CACNA1A: variants seen among roughly 807,000 people sequenced by gnomAD.
CACNA1A encodes voltage-dependent P/Q-type calcium channel subunit alpha-1A.
A neutral mutation model predicts 262.4 loss-of-function variants in CACNA1A; 57 were observed. The observed-to-expected ratio is 0.22, with a 90% confidence interval of 0.18 to 0.27. CACNA1A has a LOEUF of 0.27. CACNA1A is among the 10% of genes least tolerant of loss of function. The pLI, the probability that CACNA1A is intolerant of heterozygous loss-of-function variation, is 1.00. For missense variants in CACNA1A, 2,526 were observed against 3,562.8 expected (o/e 0.71, Z 7.41); for synonymous variants, 1,431 against 1,419.3 (o/e 1.01, Z -0.18).
intron 6 of CACNA1A, among the ~76,000 whole-genome samples, chr19:13,341,914 C>T (rs1175600446): frequency 1.3e-5 from 2 of 152,150 alleles, no homozygotes; most frequent in Non-Finnish European, 2.9e-5. Context: ...CCTAGGACAA[C>T]ATCTGGCACA....
intron 35 of CACNA1A, 111 bp downstream of exon 35, chr19:13,231,599 C>G (rs1453974933): frequency 4.4e-6 from 5 of 1,127,508 alleles, no homozygotes; most frequent in Non-Finnish European, 6.4e-6. Flanking sequence ...TTCAGAGAAG[C>G]CTTGGAGGGA....
At chr19:13,346,637 TATATATATATATATA>T (rs2058773651) in intron 6 of CACNA1A, among the ~76,000 whole-genome samples, 1 of 5,346 alleles carries the variant, frequency 1.9e-4, no homozygotes, top group Non-Finnish European at 4.6e-4. Context: ...TATATATATA[TATATATATATATATA>T]TATATATATA....
intron 1 of CACNA1A, among the ~76,000 whole-genome samples, chr19:13,467,320 T>A (rs548526659): frequency 4.6e-5 from 7 of 151,902 alleles, no homozygotes; most frequent in Non-Finnish European, 8.8e-5. Flanking sequence ...AACCTTTTTT[T>A]AAAAAAAGGG....
intron 1 of CACNA1A, among the ~76,000 whole-genome samples, chr19:13,465,135 T>C (rs2061210638): frequency 6.6e-6 from 1 of 151,648 alleles, no homozygotes; most frequent in Admixed American, 6.6e-5. Context: ...TTCACCATGT[T>C]GGCCAGGCTA....
chr19:13,374,299 G>A (rs986321219), intron 3 of CACNA1A, among the ~76,000 whole-genome samples: 2 of 152,172 alleles, frequency 1.3e-5, no homozygotes, highest in Non-Finnish European at 2.9e-5. Context: ...CCAGGCTTGA[G>A]TATAGTGGTG....
At position 13,255,107 on chromosome 19, in the gene CACNA1A, C is replaced by G; in HGVS notation, c.4743G>C (p.Val1581=). The change falls in exon 29 of 47, where the codon GTG becomes GTC. Residue 1581 remains valine (V), a synonymous_variant. Coordinates refer to ENST00000360228, the MANE Select transcript of CACNA1A (RefSeq NM_001127222.2). The stretch of plus-strand genomic sequence containing the variant: ...GTGGGGCACTTACCTTCATCATAAG[C>G]ACGATGGTGTTGAGGGCGATCATGG... ...IMAMIALNTI[V]LMMKFYGASV... 6.2e-7 allele frequency: 1 copy of G among 1,613,804 alleles called. No individual in the cohort carries two copies. Among genetic ancestry groups the G allele is most frequent in the Non-Finnish European group, 8.5e-7 (1 of 1,179,818 alleles).
At chr19:13,370,403 C>A (rs1054400559) in intron 4 of CACNA1A, among the ~76,000 whole-genome samples, 1 of 151,852 alleles carries the variant, frequency 6.6e-6, no homozygotes, top group East Asian at 1.9e-4. Context: ...CTGCACCCAG[C>A]CTATAAATTG....
rs58261828 is a variant in CACNA1A at position 13,418,373 on chromosome 19, C to T, written c.539+34503G>A. Among the ~76,000 whole-genome samples, 703 of 152,182 alleles carry T rather than the reference C, an allele frequency of 4.6e-3. 10 individuals are homozygous for T. The highest frequency in any genetic ancestry group is 0.016 in the African/African-American group (653 of 41,500). On this transcript the variant is annotated intron_variant, in intron 3 of 46. Coordinates refer to ENST00000360228, the MANE Select transcript of CACNA1A (RefSeq NM_001127222.2). ...CAGATGTCAGAACCTGAATTCAAAG[C>T]GCATTCTGGCTGTAGTGGGTTGAAC...
At chr19:13,394,023 T>C (rs1397216684) in intron 3 of CACNA1A, among the ~76,000 whole-genome samples, 1 of 152,160 alleles carries the variant, frequency 6.6e-6, no homozygotes, top group East Asian at 1.9e-4. Flanking sequence ...TCTACTTGTA[T>C]GATACATGTG....
chr19:13,365,186 C>T (rs2059185602), intron 5 of CACNA1A, 131 bp downstream of exon 5: 12 of 755,146 alleles, frequency 1.6e-5, no homozygotes, highest in Non-Finnish European at 2.7e-5. Context: ...CACTGCCTCT[C>T]CTGTAGTGCT....
intron 10 of CACNA1A, among the ~76,000 whole-genome samples, chr19:13,329,136 C>T (rs1490370415): frequency 1.3e-5 from 2 of 152,200 alleles, no homozygotes; most frequent in Non-Finnish European, 2.9e-5. Context: ...AACATCATCA[C>T]AGCCAATGAA....
Position 13,285,038 on chromosome 19 carries a change from C to T in CACNA1A, c.3692+30G>A, listed in dbSNP as rs777509847. 6.8e-6 allele frequency: 11 copies of T among 1,613,222 alleles called. No individual in the cohort carries two copies. The East Asian group carries it at 2.0e-4, about 29-fold the overall frequency. Reference sequence around the variant, plus strand: ...GCCACCCTGGTGGGAGCCCCAGGCCCCCCCTGCCCTTGCTGGGGGCCATAC... The same window carrying T: ...GCCACCCTGGTGGGAGCCCCAGGCCTCCCCTGCCCTTGCTGGGGGCCATAC... On this transcript the variant is annotated intron_variant, in intron 21 of 46. Coordinates refer to ENST00000360228, the MANE Select transcript of CACNA1A (RefSeq NM_001127222.2).
chr19:13,298,728 G>A lies in CACNA1A; in HGVS notation c.2905C>T (p.Pro969Ser). Residue 969 changes from proline (P) to serine (S), a missense_variant, in exon 19 of 47, where the codon CCG becomes TCG. Transcript: ENST00000360228. ...GCCCTCCGCTCCGCCTTGTCCTCCG[G>A]ACCCTCCTCCCCGGGCCTGCGGTGC... ...RAHRRPGEEG[P>S]EDKAERRARH... 6.7e-7 allele frequency: 1 copy of A among 1,499,198 alleles called. No individual in the cohort carries two copies. Among genetic ancestry groups the A allele is most frequent in the Non-Finnish European group, 8.9e-7 (1 of 1,129,230 alleles). 92.9% of individuals were successfully genotyped at this position (1,499,198 alleles called of 1,614,324 possible). A position where few individuals can be genotyped will look rare whatever the true frequency, so the allele number is the denominator to read the frequency against.
At chr19:13,463,565 C>A (rs531225596) in intron 1 of CACNA1A, among the ~76,000 whole-genome samples, 1 of 152,280 alleles carries the variant, frequency 6.6e-6, no homozygotes, top group East Asian at 1.9e-4. Context: ...GGATGGGAAT[C>A]CCCGGGGAGA....
intron 24 of CACNA1A, chr19:13,273,418 T>C (rs1462731173): frequency 1.3e-5 from 2 of 152,212 alleles, no homozygotes; most frequent in Non-Finnish European, 2.9e-5. Context: ...AGGGTTGATT[T>C]ACCTCCATTT....
Position 13,241,459 on chromosome 19 carries a change from G to T in CACNA1A, c.4950+3723C>A, listed in dbSNP as rs374654996. The T allele has an allele frequency of 4.9e-6, 6 of 1,236,400 alleles. No individual in the cohort carries two copies. The highest frequency in any genetic ancestry group is 1.3e-5 in the South Asian group (1 of 78,176). 76.6% of individuals were successfully genotyped at this position (1,236,400 alleles called of 1,614,324 possible). A position where few individuals can be genotyped will look rare whatever the true frequency, so the allele number is the denominator to read the frequency against. ...GCAGGGTGTGGCATGCAATGCCGACGCGAGGAGATGCGTTCACAGTTAATG... is the reference window on the plus strand; with the variant it reads ...GCAGGGTGTGGCATGCAATGCCGACTCGAGGAGATGCGTTCACAGTTAATG... On this transcript the variant is annotated intron_variant, in intron 31 of 46. Coordinates refer to ENST00000360228, the MANE Select transcript of CACNA1A (RefSeq NM_001127222.2). This position sits in a 1 kb window ranked among gnomAD's most constrained non-coding sequence, Gnocchi z 4.0.
At chr19:13,247,713 A>AAAATAAAT (rs144467626) in intron 30 of CACNA1A, among the ~76,000 whole-genome samples, 28,051 of 146,560 alleles carry the variant, frequency 0.19, 2,758 homozygotes, top group East Asian at 0.26. Flanking sequence ...TAAATAAATA[A>AAAATAAAT]AAATAAATAA....
intron 9 of CACNA1A, among the ~76,000 whole-genome samples, chr19:13,331,556 A>G (rs1047547060): frequency 1.3e-5 from 2 of 152,090 alleles, no homozygotes; most frequent in African/African-American, 2.4e-5. Context: ...CCAGTTTTCT[A>G]AAGTATGAGA....
At chr19:13,454,716 C>A (rs2060975808) in intron 2 of CACNA1A, among the ~76,000 whole-genome samples, 6 of 152,054 alleles carry the variant, frequency 3.9e-5, no homozygotes, top group Admixed American at 3.9e-4. Context: ...GAGTATACTG[C>A]CTGAAATTAT....
Sources: gnomAD v4.1 joint callset for allele counts (sites outside exome capture counted in the v4.1 genomes callset) on GRCh38, gnomAD v4.1.1 for gene constraint, Gnocchi (gnomAD v3.1) non-coding constraint, MANE v1.5 for transcripts, NCBI Gene and HGNC (gene_info 2026-07-23, HGNC 2026-07-21) for gene names.